Variants in SULF1 observed in about 807,000 individuals in gnomAD.
SULF1 encodes sulfatase 1.
In SULF1, 46 loss-of-function variants were observed where a neutral mutation model predicts 110.5. The observed-to-expected ratio is 0.42, with a 90% CI of 0.33 to 0.53. The LOEUF (loss-of-function observed/expected upper bound fraction) is 0.53. Ranked by LOEUF, SULF1 falls within the 20% of genes least tolerant of loss-of-function variation. The pLI is 0.12. For missense variants in SULF1, 941 were observed against 1,094.2 expected (o/e 0.86, Z 1.98); for synonymous variants, 371 against 387.1 (o/e 0.96, Z 0.49).
At chr8:69,484,745 G>C (rs1809628265) in intron 1 of SULF1, among the ~76,000 whole-genome samples, 2 of 152,052 alleles carry the variant, frequency 1.3e-5, no homozygotes, top group Non-Finnish European at 2.9e-5. Flanking sequence ...ATTTAAAAAA[G>C]GAGAAACAGT....
chr8:69,644,685 CG>C (rs1423183933), intron 22 of SULF1, among the ~76,000 whole-genome samples: 2 of 149,980 alleles, frequency 1.3e-5, no homozygotes, highest in African/African-American at 2.5e-5. Context: ...GGCGTGAACC[CG>C]GGAGGCGGAG....
At chr8:69,656,542 G>A (rs1157519100) in intron 22 of SULF1, among the ~76,000 whole-genome samples, 3 of 152,050 alleles carry the variant, frequency 2.0e-5, no homozygotes, top group East Asian at 3.9e-4. Flanking sequence ...CTCAATGTTC[G>A]GCTCCCACTT....
At chr8:69,587,636 T>C (rs1806568580) in intron 7 of SULF1, among the ~76,000 whole-genome samples, 1 of 152,190 alleles carries the variant, frequency 6.6e-6, no homozygotes, top group Non-Finnish European at 1.5e-5. Context: ...TCCTAGGTCA[T>C]ATCCCCAGCT....
At chr8:69,542,682 G>A (rs565131614) in intron 3 of SULF1, among the ~76,000 whole-genome samples, 2 of 152,258 alleles carry the variant, frequency 1.3e-5, no homozygotes, top group African/African-American at 2.4e-5. Flanking sequence ...TTTAAAATAA[G>A]TTGAATACGA....
rs1809810242 is a variant in SULF1 at position 69,624,044 on chromosome 8, A to G, written c.1697A>G (p.Gln566Arg). 1.2e-6 allele frequency: 2 copies of G among 1,614,204 alleles called. No homozygotes were observed. Among genetic ancestry groups the G allele is most frequent in the Non-Finnish European group, 1.7e-6 (2 of 1,180,042 alleles). ...AATCTGGAAGAAGAAGAAGAATTGC[A>G]AGTGTTGCAACCAAGAAACATTGCT... ...DINLEEEEEL[Q>R]VLQPRNIAKR... The change falls in exon 15 of 23, where the codon CAA becomes CGA. Residue 566 changes from glutamine to arginine, a missense_variant. Transcript: ENST00000402687.
intron 3 of SULF1, among the ~76,000 whole-genome samples, chr8:69,540,611 T>C (rs546399320): frequency 6.6e-6 from 1 of 152,348 alleles, no homozygotes; most frequent in Admixed American, 6.5e-5. Flanking sequence ...ACAAGCTGTT[T>C]CTGCCTTGGT....
intron 3 of SULF1, among the ~76,000 whole-genome samples, chr8:69,502,244 T>C (rs1223008919): frequency 6.6e-6 from 1 of 152,100 alleles, no homozygotes; most frequent in Non-Finnish European, 1.5e-5. Context: ...ATATGACTAT[T>C]GACATATTAT....
At position 69,636,633 on chromosome 8, in the gene SULF1, T is replaced by C. The variant is rs117449853; in HGVS notation, c.2285-1869T>C. ...GTGGAAGTGTTTTCCCTACAGAAAG[T>C]TGTCGAGATGCTTGAAGAAGTGGTA... On this transcript the variant is annotated intron_variant, in intron 19 of 22. Coordinates refer to ENST00000402687, the MANE Select transcript of SULF1 (RefSeq NM_001128205.2). Among the ~76,000 whole-genome samples the C allele has an allele frequency of 1.9e-3, 284 of 152,248 alleles. 5 individuals carry two copies. In the East Asian group the frequency reaches 0.025, roughly 14 times the overall value.
chr8:69,544,636 A>G (rs925125143), intron 3 of SULF1, among the ~76,000 whole-genome samples: 24 of 152,226 alleles, frequency 1.6e-4, no homozygotes, highest in Non-Finnish European at 1.5e-5. Flanking sequence ...CTTGCTATTC[A>G]GTGAAGGCAG....
At chr8:69,633,251 T>G (rs1373522911) in intron 19 of SULF1, among the ~76,000 whole-genome samples, 1 of 152,112 alleles carries the variant, frequency 6.6e-6, no homozygotes, top group East Asian at 1.9e-4. Context: ...TTAATTGCTT[T>G]CATATGAAAC....
chr8:69,511,188 G>T (rs1390649876), intron 3 of SULF1, among the ~76,000 whole-genome samples: 1 of 152,152 alleles, frequency 6.6e-6, no homozygotes, highest in African/African-American at 2.4e-5. Context: ...AGCAATGAAT[G>T]GGAAACTACT....
intron 6 of SULF1, among the ~76,000 whole-genome samples, chr8:69,576,801 A>AG (rs1358152010): frequency 3.3e-5 from 5 of 152,220 alleles, no homozygotes; most frequent in Non-Finnish European, 7.3e-5. Flanking sequence ...TGTTCGTAGA[A>AG]GGGCTACAGT....
intron 13 of SULF1, among the ~76,000 whole-genome samples, chr8:69,616,145 T>A (rs933650481): frequency 7.1e-6 from 1 of 141,844 alleles, no homozygotes; most frequent in Non-Finnish European, 1.5e-5. Context: ...TATACACACA[T>A]ATATGTGTGT....
chr8:69,646,874 G>A (rs75953442), intron 22 of SULF1, among the ~76,000 whole-genome samples: 494 of 150,006 alleles, frequency 3.3e-3, no homozygotes, highest in African/African-American at 0.012. Flanking sequence ...TCATATTATT[G>A]TATGACTGAA....
chr8:69,556,620 T>A (rs1281531347), intron 3 of SULF1, among the ~76,000 whole-genome samples: 2 of 152,244 alleles, frequency 1.3e-5, no homozygotes, highest in African/African-American at 4.8e-5. Flanking sequence ...GCCATAGATA[T>A]ATAAAACCAA....
chr8:69,545,420 A>G (rs1293860008), intron 3 of SULF1, among the ~76,000 whole-genome samples: 1 of 152,226 alleles, frequency 6.6e-6, no homozygotes, highest in East Asian at 1.9e-4. Flanking sequence ...AAAAACCAAA[A>G]TAGGGCCTTA....
At chr8:69,599,586 G>C (rs1807618460) in intron 8 of SULF1, among the ~76,000 whole-genome samples, 1 of 152,092 alleles carries the variant, frequency 6.6e-6, no homozygotes, top group Non-Finnish European at 1.5e-5. Context: ...TATATAAAAT[G>C]GTTTGCATAA....
chr8:69,567,659 T>C (rs1815993335), intron 5 of SULF1, among the ~76,000 whole-genome samples: 1 of 152,202 alleles, frequency 6.6e-6, no homozygotes, highest in African/African-American at 2.4e-5. Flanking sequence ...GTAACATGTG[T>C]CAGAGTGTCC....
At chr8:69,645,903 AATT>A (rs1386553415) in intron 22 of SULF1, among the ~76,000 whole-genome samples, 1 of 151,814 alleles carries the variant, frequency 6.6e-6, no homozygotes, top group East Asian at 1.9e-4. Flanking sequence ...TATTTATATT[AATT>A]ATTATTTATA....
Sources: allele counts gnomAD v4.1 joint callset (sites outside exome capture counted in the v4.1 genomes callset), GRCh38; gene constraint gnomAD v4.1.1; transcripts MANE v1.5; gene names NCBI Gene and HGNC (gene_info 2026-07-23, HGNC 2026-07-21).